HMCN1: variants seen among roughly 807,000 people sequenced by gnomAD.
HMCN1 encodes hemicentin 1, also known as hemicentin-1.
HMCN1 carries 321 observed loss-of-function variants against 625.9 expected under a neutral mutation model. That is an observed-to-expected ratio of 0.51 (90% CI 0.47 to 0.56). The LOEUF (loss-of-function observed/expected upper bound fraction) is 0.56, where lower values mean the gene tolerates loss of function less well. Ranked by LOEUF, HMCN1 falls within the 20% of genes least tolerant of loss-of-function variation. The pLI is 0.00. For missense variants in HMCN1, 6,588 were observed against 6,887.3 expected (o/e 0.96, Z 1.54); for synonymous variants, 2,425 against 2,417.6 (o/e 1.00, Z -0.09).
At chr1:186,128,644 TG>T (rs1661769817) in intron 83 of HMCN1, among the ~76,000 whole-genome samples, 1 of 152,036 alleles carries the variant, frequency 6.6e-6, no homozygotes, top group African/African-American at 2.4e-5. Context: ...TGGCCGCTGT[TG>T]GAGTCCTAAA....
chr1:185,743,991 T>G (rs948226849), intron 1 of HMCN1, among the ~76,000 whole-genome samples: 17 of 139,886 alleles, frequency 1.2e-4, no homozygotes, highest in Non-Finnish European at 2.0e-4. Context: ...TGTTTTTTTT[T>G]TTTTTTTTTT....
At chr1:186,052,830 C>A in intron 42 of HMCN1, 122 bp from the exon 43 acceptor site, 1 of 837,256 alleles carries the variant, frequency 1.2e-6, no homozygotes, top group Non-Finnish European at 2.0e-6. Context: ...ATGTTGATGT[C>A]AACCTCATAT....
At chr1:185,804,377 A>C (rs1196633252) in intron 1 of HMCN1, among the ~76,000 whole-genome samples, 1 of 152,074 alleles carries the variant, frequency 6.6e-6, no homozygotes, top group Non-Finnish European at 1.5e-5. Context: ...TTTGACAGTC[A>C]TCTGGAATGT....
intron 99 of HMCN1, among the ~76,000 whole-genome samples, chr1:186,166,513 T>G (rs1558275504): frequency 6.6e-6 from 1 of 152,202 alleles, no homozygotes; most frequent in Non-Finnish European, 1.5e-5. Context: ...AAGGCAGGAA[T>G]GCCTGGAGCA....
At chr1:186,046,426 A>G (rs1656578681) in intron 41 of HMCN1, among the ~76,000 whole-genome samples, 1 of 151,986 alleles carries the variant, frequency 6.6e-6, no homozygotes, top group Admixed American at 6.6e-5. Context: ...CCAAGATCAC[A>G]CCACTGCACT....
In HMCN1 at chr1:186,076,544, G is replaced by A; in HGVS notation, c.8407G>A (p.Ala2803Thr). 6.2e-7 allele frequency: 1 copy of A among 1,613,830 alleles called. No individual in the cohort carries two copies. Among genetic ancestry groups the A allele is most frequent in the Non-Finnish European group, 8.5e-7 (1 of 1,179,824 alleles). The change falls in exon 54 of 107, where the codon GCT becomes ACT. Residue 2803 changes from alanine (A) to threonine (T), a missense_variant. Physicochemically the swap from Ala to Thr is moderately conservative, Grantham distance 58. This residue lies in a region of HMCN1 where 4,628 missense variants were observed against 4,853.1 expected (regional missense o/e 0.95). Transcript: ENST00000271588. Reference sequence around the variant, plus strand: ...CATTTCTCTTTACTGTGAGACAAATGCTGCTCCCCCTCCTACACTGACATG... The same window carrying A: ...CATTTCTCTTTACTGTGAGACAAATACTGCTCCCCCTCCTACACTGACATG... ...NPISLYCETN[A>T]APPPTLTWYK...
intron 10 of HMCN1, among the ~76,000 whole-genome samples, chr1:185,932,792 A>T (rs1667619789): frequency 6.6e-6 from 1 of 152,120 alleles, no homozygotes; most frequent in Non-Finnish European, 1.5e-5. Context: ...GCACACGTAT[A>T]CCTATGTGAC....
At chr1:185,812,420 G>A (rs74367580) in intron 1 of HMCN1, among the ~76,000 whole-genome samples, 3,644 of 152,098 alleles carry the variant, frequency 0.024, 142 homozygotes, top group African/African-American at 0.082. Context: ...AACAAAAAAA[G>A]TGTCATATGC....
chr1:185,875,673 C>T (rs1198670546), intron 4 of HMCN1, among the ~76,000 whole-genome samples: 1 of 152,090 alleles, frequency 6.6e-6, no homozygotes, highest in Non-Finnish European at 1.5e-5. Flanking sequence ...TCTCCCCTGA[C>T]AGATCTCTAT....
intron 98 of HMCN1, among the ~76,000 whole-genome samples, chr1:186,165,982 C>T (rs1651854374): frequency 6.6e-6 from 1 of 152,164 alleles, no homozygotes; most frequent in South Asian, 2.1e-4. Context: ...TATAATCTAA[C>T]CATCTATTCA....
chr1:185,897,198 ACTTTT>A (rs1019242197), intron 4 of HMCN1, among the ~76,000 whole-genome samples: 4 of 151,960 alleles, frequency 2.6e-5, no homozygotes, highest in Admixed American at 2.0e-4. Context: ...TTTCTTTACT[ACTTTT>A]CTTTATTTTA....
Position 185,942,977 on chromosome 1 carries a change from A to G in HMCN1, c.1828+9153A>G, listed in dbSNP as rs113756417. Among the ~76,000 whole-genome samples the G allele has an allele frequency of 6.7e-3, 1,014 of 151,944 alleles. 5 individuals carry two copies. The highest frequency in any genetic ancestry group is 0.027 in the Middle Eastern group (8 of 294). ...GGGAAAAAAAGCTGTTTTTCCCTCT[A>G]CTCACATACCACTCAATACAACATT... is the stretch of plus-strand genomic sequence containing the variant. On this transcript the variant is annotated intron_variant, in intron 11 of 106. Coordinates refer to ENST00000271588, the MANE Select transcript of HMCN1 (RefSeq NM_031935.3).
chr1:185,825,550 C>A (rs1054170477), intron 1 of HMCN1, among the ~76,000 whole-genome samples: 10 of 152,156 alleles, frequency 6.6e-5, no homozygotes, highest in South Asian at 6.2e-4. Context: ...CAATTCTGCC[C>A]AAAACAAAGA....
At chr1:185,783,530 A>G (rs997915877) in intron 1 of HMCN1, among the ~76,000 whole-genome samples, 3 of 151,968 alleles carry the variant, frequency 2.0e-5, no homozygotes, top group East Asian at 3.9e-4. Context: ...TTTGGTGTGG[A>G]TGTCCTTTCT....
intron 35 of HMCN1, among the ~76,000 whole-genome samples, chr1:186,020,237 T>TGATAGATAGATA (rs4007525): frequency 0.19 from 28,290 of 149,838 alleles, 2,882 homozygotes; most frequent in African/African-American, 0.26. Context: ...AGTAGATTGA[T>TGATAGATAGATA]GATAGATAGA....
In HMCN1 at chr1:186,087,445, C is replaced by A; in HGVS notation, c.9163C>A (p.Pro3055Thr). ...CTTCTGTTATTTTCTTCCCTCAGTG[C>A]CCCCAAGCATTAAAGACCATGACAG... is the stretch of plus-strand genomic sequence containing the variant. ...KKKFSLTVYV[P>T]PSIKDHDSES... The change falls in exon 60 of 107, where the codon CCC (proline) becomes ACC (threonine). Residue 3055 changes from proline to threonine, a missense_variant and splice_region_variant. Transcript: ENST00000271588. 6.2e-7 allele frequency: 1 copy of A among 1,612,798 alleles called. No homozygotes were observed. The highest frequency in any genetic ancestry group is 8.5e-7 in the Non-Finnish European group (1 of 1,179,182).
intron 45 of HMCN1, 104 bp downstream of exon 45, chr1:186,055,778 C>T (rs960874162): frequency 4.0e-5 from 46 of 1,152,878 alleles, no homozygotes; most frequent in African/African-American, 9.2e-5. Context: ...TATTTATAAC[C>T]CATCATTTTA....
rs745444641 is a variant in HMCN1 at position 186,081,363 on chromosome 1, A to G, written c.8756A>G (p.His2919Arg). Residue 2919 changes from histidine (H) to arginine (R), a missense_variant, in exon 56 of 107, where the codon CAT becomes CGT. Coordinates refer to ENST00000271588, the MANE Select transcript of HMCN1 (RefSeq NM_031935.3). ...CAGCCCTTGCTAGAAGATGACCATC[A>G]TAAATTTCTATCTAATGGACGAATT... is the stretch of plus-strand genomic sequence containing the variant. ...DGQPLLEDDH[H>R]KFLSNGRILQ... 2 of 1,613,662 alleles carry G rather than the reference A, an allele frequency of 1.2e-6. No homozygotes were observed. Among genetic ancestry groups the G allele is most frequent in the Non-Finnish European group, 1.7e-6 (2 of 1,179,668 alleles).
intron 11 of HMCN1, among the ~76,000 whole-genome samples, chr1:185,951,524 C>T (rs182755739): frequency 4.7e-5 from 7 of 150,196 alleles, no homozygotes; most frequent in African/African-American, 1.5e-4. Flanking sequence ...CCATGATGGT[C>T]TAGGGGGCTT....
Sources: gnomAD v4.1 joint callset for allele counts (sites outside exome capture counted in the v4.1 genomes callset) on GRCh38, gnomAD v4.1.1 for gene constraint, gnomAD v4.1.1 regional missense constraint, MANE v1.5 for transcripts, NCBI Gene and HGNC (gene_info 2026-07-23, HGNC 2026-07-21) for gene names.